RIMS2: variants seen among roughly 807,000 people sequenced by gnomAD.
RIMS2 encodes the protein regulating synaptic membrane exocytosis 2.
RIMS2 carries 59 observed loss-of-function variants against 174.4 expected under a neutral mutation model. The observed-to-expected ratio is 0.34, with a 90% confidence interval of 0.27 to 0.42. RIMS2 has a LOEUF of 0.42. Among genes scored for constraint, RIMS2 ranks in the 10% least tolerant of loss-of-function variants. The probability of loss-of-function intolerance (pLI) is 1.00; values close to 1 mark genes in which losing one functional copy is unlikely to be tolerated. For synonymous variants in RIMS2, 606 were observed against 572.5 expected, an observed-to-expected ratio of 1.06 and a Z score of -0.84; for missense variants, 1,620 against 1,666.3, an observed-to-expected ratio of 0.97 and a Z score of 0.48.
chr8:104,212,250 T>A (rs555702253), intron 19 of RIMS2, among the ~76,000 whole-genome samples: 4 of 152,136 alleles, frequency 2.6e-5, no homozygotes, highest in Non-Finnish European at 4.4e-5. Context: ...AATTATATCC[T>A]CTGGAGGGAA....
At chr8:104,060,307 A>G (rs924380806) in intron 19 of RIMS2, among the ~76,000 whole-genome samples, 16 of 150,326 alleles carry the variant, frequency 1.1e-4, no homozygotes, top group Admixed American at 4.6e-4. Context: ...GGGAGAGTGT[A>G]TGTGTCGAGG....
At chr8:103,821,343 C>A (rs988642574) in intron 3 of RIMS2, among the ~76,000 whole-genome samples, 15 of 151,532 alleles carry the variant, frequency 9.9e-5, no homozygotes, top group African/African-American at 3.6e-4. Context: ...TTCTATACGA[C>A]CAGTATGGTT....
rs181266588 is a variant in RIMS2, at chr8:103,536,397, G to A, written c.176+35335G>A. ...AAGTATTAATGCAGAGTATAGAAAC[G>A]GTGAAATAATCTTAAGATGTACATT... On this transcript the variant is annotated intron_variant, in intron 1 of 23. Coordinates refer to ENST00000504942, the Ensembl canonical transcript of RIMS2. 2.0e-4 allele frequency among the ~76,000 whole-genome samples: 30 copies of A among 152,152 alleles called. 1 individual carries two copies. The highest frequency in any genetic ancestry group is 3.4e-3 in the Middle Eastern group (1 of 294).
intron 1 of RIMS2, among the ~76,000 whole-genome samples, chr8:103,520,917 T>A (rs1259839278): frequency 1.3e-5 from 2 of 152,146 alleles, no homozygotes; most frequent in African/African-American, 4.8e-5. Context: ...TATAAAAATG[T>A]AATAACAATA....
At position 103,936,519 on chromosome 8, in the gene RIMS2, G is replaced by T. The variant is rs747635373; in HGVS notation, c.2376-32G>T. On this transcript the variant is annotated intron_variant, in intron 12 of 23. Coordinates refer to ENST00000504942, the Ensembl canonical transcript of RIMS2. ...TTTAGGACAAAACTTATAGTTCTAT[G>T]TAAGTTCATAATTCATTGTTTTTTT... The T allele has an allele frequency of 3.6e-6, 5 of 1,397,174 alleles. No individual in the cohort carries two copies. The Admixed American group carries it at 1.2e-4, about 33-fold the overall frequency. 86.5% of individuals were successfully genotyped at this position (1,397,174 alleles called of 1,614,324 possible). A position where few individuals can be genotyped will look rare whatever the true frequency, so the allele number is the denominator to read the frequency against.
chr8:103,800,557 A>G (rs972789800), intron 3 of RIMS2, among the ~76,000 whole-genome samples: 1 of 152,030 alleles, frequency 6.6e-6, no homozygotes, highest in African/African-American at 2.4e-5. Flanking sequence ...AAATTTTGTC[A>G]TTTGCTTTTT....
chr8:103,623,929 TCA>T (rs2095709984), intron 1 of RIMS2, among the ~76,000 whole-genome samples: 1 of 145,454 alleles, frequency 6.9e-6, no homozygotes, highest in Non-Finnish European at 1.5e-5. Context: ...GAGATTTTTC[TCA>T]GTGTCTTAAG....
intron 2 of RIMS2, among the ~76,000 whole-genome samples, chr8:103,751,306 A>G (rs1283470821): frequency 2.6e-5 from 4 of 151,896 alleles, no homozygotes; most frequent in Non-Finnish European, 5.9e-5. Context: ...ATAGTATTCC[A>G]TGGTGTATAT....
chr8:103,807,867 A>C (rs553464877), intron 3 of RIMS2, among the ~76,000 whole-genome samples: 1 of 152,166 alleles, frequency 6.6e-6, no homozygotes, highest in African/African-American at 2.4e-5. Flanking sequence ...ATCTCTGTCC[A>C]TATTTACAGG....
At chr8:104,035,563 A>C (rs1323998195) in intron 19 of RIMS2, among the ~76,000 whole-genome samples, 1 of 151,430 alleles carries the variant, frequency 6.6e-6, no homozygotes, top group Non-Finnish European at 1.5e-5. Context: ...ATGTATCTTT[A>C]GGAAAAGTAA....
At chr8:104,034,680 G>A (rs977436520) in intron 19 of RIMS2, among the ~76,000 whole-genome samples, 1 of 151,792 alleles carries the variant, frequency 6.6e-6, no homozygotes, top group African/African-American at 2.4e-5. Flanking sequence ...ATGTTGGCCA[G>A]GATGGTCTCA....
At chr8:103,886,147 G>A (rs2099199491) in exon 4 of RIMS2, 2 of 1,612,924 alleles carry the variant, frequency 1.2e-6, no homozygotes, top group African/African-American at 2.7e-5. Flanking sequence ...GCAGTTCAGA[G>A]GAGGAATTGG....
rs530953115 is a variant in RIMS2 at position 104,135,701 on chromosome 8, C to A, written c.3335-109215C>A. On this transcript the variant is annotated intron_variant, in intron 19 of 23. Transcript: ENST00000504942. The stretch of plus-strand genomic sequence containing the variant: ...TGGTAGGATTTATCAAGGAGTTCAG[C>A]CAGTTGGATGTCTTATGAGGAGGGA... Among the ~76,000 whole-genome samples, 6 of 150,682 alleles carry A rather than the reference C, an allele frequency of 4.0e-5. No individual in the cohort carries two copies. The South Asian group carries it at 1.3e-3, about 32-fold the overall frequency.
chr8:104,079,323 G>C (rs2097361755), intron 19 of RIMS2, among the ~76,000 whole-genome samples: 1 of 151,760 alleles, frequency 6.6e-6, no homozygotes, highest in Non-Finnish European at 1.5e-5. Flanking sequence ...AATTACCTAA[G>C]AATATAAAGG....
intron 1 of RIMS2, chr8:103,569,033 A>C: frequency 2.5e-6 from 1 of 407,192 alleles, no homozygotes; most frequent in Non-Finnish European, 4.4e-6. Context: ...GCACAAAGTT[A>C]ATTTTGATGT....
chr8:103,918,542 A>G (rs770983466), intron 9 of RIMS2, 55 bp downstream of exon 12: 1 of 1,181,132 alleles, frequency 8.5e-7, no homozygotes, highest in Non-Finnish European at 1.3e-6. Context: ...TTCATCAGAG[A>G]TCAGATGAAG....
intron 2 of RIMS2, among the ~76,000 whole-genome samples, chr8:103,729,167 C>T (rs1294357429): frequency 6.6e-6 from 1 of 151,968 alleles, no homozygotes. Flanking sequence ...TTTTCTTTAA[C>T]TATTTGGTAA....
chr8:104,051,640 G>T (rs1362331174), intron 19 of RIMS2, among the ~76,000 whole-genome samples: 1 of 152,072 alleles, frequency 6.6e-6, no homozygotes, highest in Non-Finnish European at 1.5e-5. Flanking sequence ...AAAGAGAAAA[G>T]AATGAAATAA....
At position 103,812,468 on chromosome 8, in the gene RIMS2, G is replaced by T. The variant is rs2098694904; in HGVS notation, c.698+45931G>T. 3.3e-5 allele frequency among the ~76,000 whole-genome samples: 5 copies of T among 151,172 alleles called. No individual in the cohort carries two copies. The South Asian group carries it at 1.0e-3, about 32-fold the overall frequency. On this transcript the variant is annotated intron_variant, in intron 3 of 23. Transcript: ENST00000504942. ...CTGTGCGATCTTGGTATATACCTCC[G>T]CCTCTTGGGTTCAAGCGATTCTCCT...
Sources: gnomAD v4.1 joint callset for allele counts (sites outside exome capture counted in the v4.1 genomes callset) on GRCh38, gnomAD v4.1.1 for gene constraint, MANE v1.5 for transcripts, NCBI Gene and HGNC (gene_info 2026-07-23, HGNC 2026-07-21) for gene names.